The following SRGAP3 variants were observed in gnomAD, a reference collection of about 807,000 sequenced individuals.
The protein encoded by SRGAP3 is SLIT-ROBO Rho GTPase-activating protein 3.
In SRGAP3, 39 loss-of-function variants were observed where a neutral mutation model predicts 121.1. The ratio of observed to expected loss-of-function variants is 0.32; its 90% confidence interval spans 0.25 to 0.42. The LOEUF is 0.42. Among genes scored for constraint, SRGAP3 ranks in the 10% least tolerant of loss-of-function variants. The pLI is 1.00. For missense variants in SRGAP3, 1,213 were observed against 1,470.6 expected (o/e 0.82, Z 2.86); for synonymous variants, 601 against 570.0 (o/e 1.05, Z -0.77).
At chr3:9,206,561 T>A (rs981123038) in intron 1 of SRGAP3, among the ~76,000 whole-genome samples, 1 of 152,182 alleles carries the variant, frequency 6.6e-6, no homozygotes, top group Non-Finnish European at 1.5e-5. Flanking sequence ...CCTTGGCTGA[T>A]GGTGCTCCTG....
intron 3 of SRGAP3, among the ~76,000 whole-genome samples, chr3:9,313,231 C>G (rs1459000441): frequency 2.0e-5 from 3 of 152,192 alleles, no homozygotes; most frequent in African/African-American, 4.8e-5. Flanking sequence ...TTCTCCCTCC[C>G]TAGATACCCA....
upstream of SRGAP3, among the ~76,000 whole-genome samples, chr3:9,250,120 T>C (rs947594534): frequency 6.6e-6 from 1 of 152,182 alleles, no homozygotes; most frequent in African/African-American, 2.4e-5. Flanking sequence ...GCAGAACAGC[T>C]GGGTGGGTCA....
Position 8,985,425 on chromosome 3 carries a change from G to A in SRGAP3, c.*94C>T, listed in dbSNP as rs1941628800. Reference sequence around the variant, plus strand: ...CCCAGACGGACCTCTGCCCTCCAAGGCCAGGGTCACTGGGAAGCACGTGGA... The same window carrying A: ...CCCAGACGGACCTCTGCCCTCCAAGACCAGGGTCACTGGGAAGCACGTGGA... On this transcript the variant is annotated 3_prime_UTR_variant, in exon 22 of 22. Coordinates refer to ENST00000383836, the MANE Select transcript of SRGAP3 (RefSeq NM_014850.4). The surrounding 1 kb of genome is among the most constrained non-coding windows in gnomAD (Gnocchi z 5.1). 2.6e-6 allele frequency: 4 copies of A among 1,567,918 alleles called. No homozygotes were observed. The highest frequency in any genetic ancestry group is 3.4e-6 in the Non-Finnish European group (4 of 1,164,382).
intron 1 of SRGAP3, among the ~76,000 whole-genome samples, chr3:9,142,072 G>A (rs1049077503): frequency 6.6e-6 from 1 of 152,146 alleles, no homozygotes; most frequent in African/African-American, 2.4e-5. Context: ...TTGAAAAAAC[G>A]AGTTCTGGGT....
intron 3 of SRGAP3, among the ~76,000 whole-genome samples, chr3:9,274,890 C>T (rs1303844353): frequency 2.0e-5 from 3 of 152,202 alleles, no homozygotes; most frequent in Non-Finnish European, 4.4e-5. Flanking sequence ...CATCCAGCTG[C>T]TTCTCCTCTC....
In SRGAP3 at chr3:8,989,032, A is replaced by C. The variant is rs187359029; in HGVS notation, c.2886+1480T>G. Among the ~76,000 whole-genome samples the C allele has an allele frequency of 2.5e-4, 38 of 152,306 alleles. 1 individual carries two copies. The East Asian group carries it at 7.1e-3, about 29-fold the overall frequency. On this transcript the variant is annotated intron_variant, in intron 21 of 21. Coordinates refer to ENST00000383836, the MANE Select transcript of SRGAP3 (RefSeq NM_014850.4). The stretch of plus-strand genomic sequence containing the variant: ...GTTTTATAAGTCTTACAGAGAAGCC[A>C]CTCAACTTTGTCAGAGCAGCATTCC...
intron 1 of SRGAP3, among the ~76,000 whole-genome samples, chr3:9,150,208 C>G (rs767971853): frequency 4.0e-5 from 6 of 151,708 alleles, no homozygotes; most frequent in Non-Finnish European, 8.8e-5. Context: ...AATCTAAAGG[C>G]TGAAGAGGAG....
chr3:9,076,903 TCCAGCA>T (rs548598691), intron 4 of SRGAP3, among the ~76,000 whole-genome samples: 50 of 152,316 alleles, frequency 3.3e-4, no homozygotes, highest in Admixed American at 1.1e-3. Context: ...AGCCCACATG[TCCAGCA>T]CATACTAGGC....
intron 1 of SRGAP3, among the ~76,000 whole-genome samples, chr3:9,173,541 G>C (rs187504058): frequency 6.6e-5 from 10 of 152,326 alleles, no homozygotes; most frequent in African/African-American, 9.6e-5. Context: ...AGGAGAAGAT[G>C]ATGGGGAGAG....
At chr3:9,108,167 C>A (rs1948483099) in intron 2 of SRGAP3, among the ~76,000 whole-genome samples, 1 of 152,140 alleles carries the variant, frequency 6.6e-6, no homozygotes, top group Non-Finnish European at 1.5e-5. Flanking sequence ...CCACATAGTT[C>A]TCAACCTGTC....
chr3:9,046,208 C>T (rs1945270378), intron 10 of SRGAP3, among the ~76,000 whole-genome samples: 1 of 152,128 alleles, frequency 6.6e-6, no homozygotes, highest in Admixed American at 6.5e-5. Context: ...CCGTCAGCCC[C>T]CAAAGTTCCC....
intron 1 of SRGAP3, among the ~76,000 whole-genome samples, chr3:9,224,086 C>T (rs377558946): frequency 3.3e-5 from 5 of 152,256 alleles, no homozygotes; most frequent in South Asian, 2.1e-4. Flanking sequence ...TCTCCAAACA[C>T]GCCTGCAACA....
intron 1 of SRGAP3, among the ~76,000 whole-genome samples, chr3:9,191,019 C>G (rs1951736705): frequency 1.3e-5 from 2 of 152,202 alleles, no homozygotes; most frequent in African/African-American, 4.8e-5. Context: ...TTCCCTTACT[C>G]CATCCCTACC....
intron 1 of SRGAP3, among the ~76,000 whole-genome samples, chr3:9,205,382 C>A (rs541181121): frequency 5.3e-5 from 8 of 152,260 alleles, no homozygotes; most frequent in Non-Finnish European, 1.2e-4. Flanking sequence ...CAGCACGTCT[C>A]ACACGGGACT....
intron 1 of SRGAP3, among the ~76,000 whole-genome samples, chr3:9,237,683 G>C (rs550131100): frequency 6.6e-6 from 1 of 152,328 alleles, no homozygotes; most frequent in African/African-American, 2.4e-5. Flanking sequence ...GCTTGGAGAA[G>C]TCCAGAAACC....
intron 2 of SRGAP3, among the ~76,000 whole-genome samples, chr3:9,123,732 A>ATGTGTGTGTGTGTGTGTG (rs532602901): frequency 0.031 from 4,303 of 138,514 alleles, 81 homozygotes; most frequent in African/African-American, 0.046. Context: ...ATATGTATAT[A>ATGTGTGTGTGTGTGTGTG]TGTGTGTGTG....
intron 6 of SRGAP3, 103 bp from the exon 7 acceptor site, chr3:9,058,575 C>CG: frequency 1.6e-6 from 2 of 1,237,600 alleles, no homozygotes. Flanking sequence ...TTTCCACAGC[C>CG]GAATCTTCCA....
chr3:9,092,450 C>A (rs1947797195), intron 3 of SRGAP3, among the ~76,000 whole-genome samples: 1 of 152,140 alleles, frequency 6.6e-6, no homozygotes, highest in Non-Finnish European at 1.5e-5. Flanking sequence ...ATGCTAACTG[C>A]TTTATGAGAC....
chr3:9,098,639 C>A (rs1948084621), intron 3 of SRGAP3, among the ~76,000 whole-genome samples: 1 of 152,206 alleles, frequency 6.6e-6, no homozygotes, highest in Non-Finnish European at 1.5e-5. Context: ...CAAACCCTAA[C>A]CTCACCTTTC....
Sources: gnomAD v4.1 joint callset for allele counts (sites outside exome capture counted in the v4.1 genomes callset) on GRCh38, gnomAD v4.1.1 for gene constraint, Gnocchi (gnomAD v3.1) non-coding constraint, MANE v1.5 for transcripts, NCBI Gene and HGNC (gene_info 2026-07-23, HGNC 2026-07-21) for gene names.